The following C1QTNF3 variants were observed in gnomAD, a reference collection of about 807,000 sequenced individuals.
The protein encoded by C1QTNF3 is complement C1q tumor necrosis factor-related protein 3.
C1QTNF3 carries 26 observed loss-of-function variants against 32.6 expected under a neutral mutation model. The ratio of observed to expected loss-of-function variants is 0.80; its 90% CI spans 0.58 to 1.11. The LOEUF (loss-of-function observed/expected upper bound fraction) is 1.11. Among genes scored for constraint, C1QTNF3 ranks in the 50% least tolerant of loss-of-function variants. The pLI is 0.00. For missense variants in C1QTNF3, 362 were observed against 398.2 expected (o/e 0.91, Z 0.77); for synonymous variants, 155 against 146.0 (o/e 1.06, Z -0.44).
At chr5:34,032,948 T>C (rs1343987663) in intron 3 of C1QTNF3, 1 of 197,338 alleles carries the variant, frequency 5.1e-6, no homozygotes, top group African/African-American at 2.3e-5. Context: ...TATACTTAAA[T>C]GTTTATACAT....
chr5:34,226,709 C>G, the C1QTNF3 span, among the ~76,000 whole-genome samples: 1 of 151,670 alleles, frequency 6.6e-6, no homozygotes, highest in African/African-American at 2.4e-5. Context: ...CTCCCCAAAA[C>G]TAAACTAAGA....
At chr5:34,047,666 A>C (rs1261667329), upstream of C1QTNF3, among the ~76,000 whole-genome samples, 1 of 152,224 alleles carries the variant, frequency 6.6e-6, no homozygotes, top group Non-Finnish European at 1.5e-5. Flanking sequence ...TTCTAAAATC[A>C]AGGCTTAGTC....
upstream of C1QTNF3, among the ~76,000 whole-genome samples, chr5:34,046,724 G>C (rs939797055): frequency 6.6e-6 from 1 of 152,128 alleles, no homozygotes; most frequent in African/African-American, 2.4e-5. Flanking sequence ...AACAAATAGG[G>C]AGAACATGTA....
the C1QTNF3 span, among the ~76,000 whole-genome samples, chr5:34,214,472 A>G: frequency 1.3e-5 from 2 of 151,204 alleles, no homozygotes; most frequent in African/African-American, 2.4e-5. Flanking sequence ...ATACATAATT[A>G]TTTTTAAATA....
At chr5:34,023,707 C>T (rs1248512722) in intron 5 of C1QTNF3, among the ~76,000 whole-genome samples, 1 of 152,182 alleles carries the variant, frequency 6.6e-6, no homozygotes, top group African/African-American at 2.4e-5. Flanking sequence ...TCTTATCAAC[C>T]TGCTGATGCT....
the C1QTNF3 span, among the ~76,000 whole-genome samples, chr5:34,228,220 A>G: frequency 6.6e-6 from 1 of 152,014 alleles, no homozygotes; most frequent in African/African-American, 2.4e-5. Context: ...TCTGTGGTTC[A>G]TAAGTTAGTA....
At position 34,037,607 on chromosome 5, in the gene C1QTNF3, T is replaced by C. The variant is rs545462010; in HGVS notation, c.304-1849A>G. Among the ~76,000 whole-genome samples the C allele has an allele frequency of 7.9e-5, 12 of 152,342 alleles. No homozygotes were observed. The East Asian group carries it at 2.3e-3, about 29-fold the overall frequency. On this transcript the variant is annotated intron_variant, in intron 1 of 5. Transcript: ENST00000382065. ...AACCTCTCAGAACCCAAGTCTTGCC[T>C]GATCAGGAGCTATAACTTAGAGCTA...
chr5:34,213,758 T>C, the C1QTNF3 span, among the ~76,000 whole-genome samples: 284 of 111,894 alleles, frequency 2.5e-3, 3 homozygotes, highest in African/African-American at 7.6e-3. Flanking sequence ...TATATATATA[T>C]ACACACACAC....
the C1QTNF3 span, among the ~76,000 whole-genome samples, chr5:34,084,985 T>A: frequency 8.6e-6 from 1 of 116,038 alleles, no homozygotes; most frequent in Non-Finnish European, 1.7e-5. Context: ...TACGTTTAAG[T>A]CTTTTTTTTT....
the C1QTNF3 span, among the ~76,000 whole-genome samples, chr5:34,203,426 A>C: frequency 6.6e-6 from 1 of 152,216 alleles, no homozygotes. Context: ...AGTTGCTCAC[A>C]CCTGTAATCC....
the C1QTNF3 span, among the ~76,000 whole-genome samples, chr5:34,215,012 T>C: frequency 1.3e-5 from 2 of 152,216 alleles, no homozygotes; most frequent in African/African-American, 4.8e-5. Flanking sequence ...TATGTTTTGC[T>C]ACCCTCATTT....
rs779468479 is a variant in C1QTNF3 at position 34,033,400 on chromosome 5, C to T, written c.474G>A (p.Glu158=). ...GCCCCAGGTCACCTTTGTCGCCCTT[C>T]TCACCTTTGGCTCCTTCATGACCAG... is the stretch of plus-strand genomic sequence containing the variant. ...GATGHEGAKG[E]KGDKGDLGPR... Residue 158 remains glutamate (E), a synonymous_variant, in exon 3 of 6, where the codon GAG becomes GAA. Transcript: ENST00000382065. 3 of 1,614,212 alleles carry T rather than the reference C, an allele frequency of 1.9e-6. No individual in the cohort carries two copies. The highest frequency in any genetic ancestry group is 2.5e-6 in the Non-Finnish European group (3 of 1,180,036).
chr5:34,128,680 G>A, the C1QTNF3 span, among the ~76,000 whole-genome samples: 6 of 152,154 alleles, frequency 3.9e-5, no homozygotes, highest in African/African-American at 1.4e-4. Flanking sequence ...TTTTGGATTT[G>A]GATGGGGCCC....
the C1QTNF3 span, among the ~76,000 whole-genome samples, chr5:34,051,619 A>G: frequency 3.9e-5 from 6 of 152,240 alleles, no homozygotes; most frequent in South Asian, 2.1e-4. Flanking sequence ...AGAGAGCTGG[A>G]AATCCTCCAT....
the C1QTNF3 span, among the ~76,000 whole-genome samples, chr5:34,123,694 T>A: frequency 6.6e-6 from 1 of 151,506 alleles, no homozygotes; most frequent in Non-Finnish European, 1.5e-5. Context: ...TAATTTGTAA[T>A]CACATTTGGC....
chr5:34,142,403 G>C, the C1QTNF3 span, among the ~76,000 whole-genome samples: 3 of 148,822 alleles, frequency 2.0e-5, no homozygotes, highest in Non-Finnish European at 4.4e-5. Flanking sequence ...CTGCACTCCA[G>C]CCTGGGTGAC....
chr5:34,031,762 G>A (rs1754620018), intron 3 of C1QTNF3, among the ~76,000 whole-genome samples: 1 of 152,140 alleles, frequency 6.6e-6, no homozygotes, highest in Admixed American at 6.5e-5. Flanking sequence ...TTGAACCTTG[G>A]TGGAGGCTGC....
chr5:34,093,867 C>T, the C1QTNF3 span, among the ~76,000 whole-genome samples: 31 of 152,302 alleles, frequency 2.0e-4, no homozygotes, highest in South Asian at 6.2e-4. Context: ...CTCCGACCTT[C>T]GGGTAGGGAT....
the C1QTNF3 span, among the ~76,000 whole-genome samples, chr5:34,064,601 G>A: frequency 5.9e-5 from 9 of 152,170 alleles, no homozygotes; most frequent in Non-Finnish European, 1.0e-4. Context: ...TGGGTGCCTC[G>A]CTGGATCAGG....
Sources: gnomAD v4.1 joint callset for allele counts (sites outside exome capture counted in the v4.1 genomes callset) on GRCh38, gnomAD v4.1.1 for gene constraint, MANE v1.5 for transcripts, NCBI Gene and HGNC (gene_info 2026-07-23, HGNC 2026-07-21) for gene names.